Variants in SLC71A2 observed in about 807,000 individuals in gnomAD.
SLC71A2 encodes hippocampus abundant transcript-like 1.
At chr9:94,404,808 A>C in the SLC71A2 span, among the ~76,000 whole-genome samples, 1 of 152,202 alleles carries the variant, frequency 6.6e-6, no homozygotes, top group Non-Finnish European at 1.5e-5. Flanking sequence ...CTGTCTTGAT[A>C]GTATCCTTTG....
the SLC71A2 span, among the ~76,000 whole-genome samples, chr9:94,392,712 G>A: frequency 2.0e-5 from 3 of 152,166 alleles, no homozygotes; most frequent in East Asian, 5.8e-4. Flanking sequence ...TGTTGGCCAG[G>A]ATGATCTCAA....
chr9:94,418,411 T>C, the SLC71A2 span, among the ~76,000 whole-genome samples: 2 of 152,314 alleles, frequency 1.3e-5, no homozygotes, highest in Non-Finnish European at 2.9e-5. Flanking sequence ...TTTTATATTC[T>C]ATTTGAAATT....
the SLC71A2 span, chr9:94,451,371 AGAC>A: frequency 7.5e-6 from 5 of 665,346 alleles, no homozygotes; most frequent in Admixed American, 2.0e-4. Context: ...GAATTTTCCT[AGAC>A]TTATCATTGT....
At chr9:94,444,655 C>T in the SLC71A2 span, among the ~76,000 whole-genome samples, 1 of 152,178 alleles carries the variant, frequency 6.6e-6, no homozygotes, top group Admixed American at 6.5e-5. Context: ...AAGGTTTTTA[C>T]AATTTTTGTT....
At chr9:94,374,966 G>A in the SLC71A2 span, 1 of 1,240,334 alleles carries the variant, frequency 8.1e-7, no homozygotes. Context: ...TGAATCCCGG[G>A]GAGGCTGGGT....
At chr9:94,402,292 TTC>T in the SLC71A2 span, among the ~76,000 whole-genome samples, 1 of 152,210 alleles carries the variant, frequency 6.6e-6, no homozygotes, top group Non-Finnish European at 1.5e-5. Context: ...AGTTAAAGTA[TTC>T]CAGAGACAGA....
chr9:94,376,503 A>G, the SLC71A2 span, among the ~76,000 whole-genome samples: 1 of 151,552 alleles, frequency 6.6e-6, no homozygotes, highest in Non-Finnish European at 1.5e-5. Context: ...AATTTTTTTC[A>G]TTGGCTCCTT....
chr9:94,389,052 C>T, the SLC71A2 span, among the ~76,000 whole-genome samples: 1 of 151,718 alleles, frequency 6.6e-6, no homozygotes, highest in Non-Finnish European at 1.5e-5. Context: ...TATAAGGGGC[C>T]TTAGACGCCA....
the SLC71A2 span, among the ~76,000 whole-genome samples, chr9:94,423,330 T>TG: frequency 0.71 from 107,120 of 150,400 alleles, 39,737 homozygotes; most frequent in African/African-American, 0.93. Context: ...ATCTAAAAAA[T>TG]ATTTATTACA....
chr9:94,452,465 C>T, the SLC71A2 span, among the ~76,000 whole-genome samples: 1 of 151,824 alleles, frequency 6.6e-6, no homozygotes, highest in South Asian at 2.1e-4. Flanking sequence ...GGTGTGGTGG[C>T]ATGTGCTTGT....
At chr9:94,435,001 C>T in the SLC71A2 span, among the ~76,000 whole-genome samples, 1 of 152,174 alleles carries the variant, frequency 6.6e-6, no homozygotes, top group Non-Finnish European at 1.5e-5. Context: ...TTTACTACAG[C>T]TCAGTATATC....
the SLC71A2 span, chr9:94,446,726 A>G: frequency 1.6e-6 from 1 of 618,738 alleles, no homozygotes; most frequent in South Asian, 2.3e-5. Context: ...TTTGTTATTC[A>G]TCTTAATAGA....
chr9:94,428,827 C>G, the SLC71A2 span, among the ~76,000 whole-genome samples: 1 of 151,848 alleles, frequency 6.6e-6, no homozygotes, highest in Admixed American at 6.6e-5. Context: ...CTATTCATCC[C>G]TCCCTCCTTC....
chr9:94,407,750 C>G, the SLC71A2 span, among the ~76,000 whole-genome samples: 2 of 152,062 alleles, frequency 1.3e-5, no homozygotes, highest in Non-Finnish European at 2.9e-5. Context: ...TGATTTTGCT[C>G]TCTGTGGTTT....
At chr9:94,415,599 T>A in the SLC71A2 span, among the ~76,000 whole-genome samples, 1 of 152,088 alleles carries the variant, frequency 6.6e-6, no homozygotes, top group African/African-American at 2.4e-5. Flanking sequence ...AGACAATGTT[T>A]CCACAGAATT....
chr9:94,438,549 C>A, the SLC71A2 span: 1 of 1,603,136 alleles, frequency 6.2e-7, no homozygotes, highest in Non-Finnish European at 8.5e-7. Flanking sequence ...TGGCCCTTCA[C>A]CTCCTGACTG....
At chr9:94,456,122 TAAATA>T in the SLC71A2 span, 6 of 613,076 alleles carry the variant, frequency 9.8e-6, no homozygotes, top group Admixed American at 3.2e-5. Flanking sequence ...GAGGAAAAAA[TAAATA>T]AAATGTAACA....
the SLC71A2 span, among the ~76,000 whole-genome samples, chr9:94,400,020 A>G: frequency 8.5e-5 from 13 of 152,086 alleles, no homozygotes; most frequent in African/African-American, 2.9e-4. Context: ...CATGTTGGCC[A>G]GGCTGGTCTC....
the SLC71A2 span, among the ~76,000 whole-genome samples, chr9:94,443,309 C>T: frequency 6.6e-6 from 1 of 152,132 alleles, no homozygotes; most frequent in Non-Finnish European, 1.5e-5. Flanking sequence ...AGCAACTCAG[C>T]ATGCAAGGCT....
Sources: gnomAD v4.1 joint callset for allele counts (sites outside exome capture counted in the v4.1 genomes callset) on GRCh38, gnomAD v4.1.1 for gene constraint, MANE v1.5 for transcripts, NCBI Gene and HGNC (gene_info 2026-07-23, HGNC 2026-07-21) for gene names.